RNF212: variants seen among roughly 807,000 people sequenced by gnomAD.
RNF212 encodes the protein probable E3 SUMO-protein ligase RNF212.
RNF212 carries 33 observed loss-of-function variants against 34.7 expected under a neutral mutation model. The ratio of observed to expected loss-of-function variants is 0.95; its 90% CI spans 0.72 to 1.27. The LOEUF (loss-of-function observed/expected upper bound fraction) is 1.27, where lower values mean the gene tolerates loss of function less well. Among genes scored for constraint, RNF212 ranks in the 50% most tolerant of loss-of-function variants. The probability of loss-of-function intolerance (pLI) is 0.00; values close to 1 mark genes in which losing one functional copy is unlikely to be tolerated. For missense variants in RNF212, 377 were observed against 362.2 expected, an observed-to-expected ratio of 1.04 and a Z score of -0.33; for synonymous variants, 140 against 136.1, an observed-to-expected ratio of 1.03 and a Z score of -0.20.
At chr4:1,074,413 G>A (rs1008240238) in intron 8 of RNF212, among the ~76,000 whole-genome samples, 1 of 152,126 alleles carries the variant, frequency 6.6e-6, no homozygotes, top group Non-Finnish European at 1.5e-5. Flanking sequence ...GCCCCGCCAA[G>A]ACCTCTGCTA....
Position 1,078,744 on chromosome 4 carries a change from C to G in RNF212, c.510+899G>C, listed in dbSNP as rs1041620745. Among the ~76,000 whole-genome samples the G allele has an allele frequency of 2.6e-5, 4 of 152,166 alleles. No individual in the cohort carries two copies. The South Asian group carries it at 8.3e-4, about 31-fold the overall frequency. On this transcript the variant is annotated intron_variant, in intron 8 of 9. Coordinates refer to ENST00000433731, the MANE Select transcript of RNF212 (RefSeq NM_001131034.4). ...CAACATGGGACCAGCAGAGGATCAA[C>G]GCAGGATCAACACAGAACCAACATA... is the stretch of plus-strand genomic sequence containing the variant.
chr4:1,101,494 T>A (rs1236421420), intron 2 of RNF212: 1 of 154,596 alleles, frequency 6.5e-6, no homozygotes, highest in Non-Finnish European at 1.4e-5. Context: ...TGAAGGATTA[T>A]GACTCTGCCA....
At chr4:1,062,435 G>A (rs10902753) in intron 3 of RNF212, among the ~76,000 whole-genome samples, 120,890 of 151,904 alleles carry the variant, frequency 0.8, 48,580 homozygotes, top group African/African-American at 0.89. Context: ...AAAAGAGAAA[G>A]AGAAAGCACT....
intron 7 of RNF212, 50 bp downstream of exon 7, chr4:1,081,369 G>A: frequency 6.5e-7 from 1 of 1,542,466 alleles, no homozygotes. Flanking sequence ...GGCAGGTGCA[G>A]AATCGGAAAG....
chr4:1,112,687 TC>T (rs529105560), intron 1 of RNF212, among the ~76,000 whole-genome samples: 53 of 135,966 alleles, frequency 3.9e-4, no homozygotes, highest in African/African-American at 1.5e-3. Context: ...GACCCCTGTG[TC>T]CCCCTCATCT....
intron 3 of RNF212, chr4:1,094,052 T>TTG (rs374030388): frequency 1.3e-6 from 2 of 1,501,694 alleles, no homozygotes; most frequent in South Asian, 1.3e-5. Flanking sequence ...GCAAGGAAGC[T>TTG]CCCAGAGGAG....
At chr4:1,106,797 G>A (rs900920217) in intron 2 of RNF212, among the ~76,000 whole-genome samples, 2 of 152,220 alleles carry the variant, frequency 1.3e-5, no homozygotes, top group South Asian at 2.1e-4. Flanking sequence ...ATGTGTGGAG[G>A]AAAAGAAAGT....
chr4:1,073,562 C>T (rs1560100677), intron 9 of RNF212, 37 bp downstream of exon 9: 4 of 1,376,378 alleles, frequency 2.9e-6, no homozygotes, highest in Non-Finnish European at 4.2e-6. Context: ...TTAATCGATG[C>T]ATGTATCGGT....
At chr4:1,090,878 C>CAGAGACCGT in intron 3 of RNF212, 40 bp from the exon 4 acceptor site, 1 of 1,334,066 alleles carries the variant, frequency 7.5e-7, no homozygotes, top group Non-Finnish European at 1.1e-6. Flanking sequence ...CACAGATCCA[C>CAGAGACCGT]GGTCTCTGTG....
chr4:1,082,382 G>C (rs931552497), intron 5 of RNF212, among the ~76,000 whole-genome samples: 1 of 152,210 alleles, frequency 6.6e-6, no homozygotes, highest in African/African-American at 2.4e-5. Flanking sequence ...GACTGGGGGA[G>C]CGTGTCTGTT....
intron 3 of RNF212, among the ~76,000 whole-genome samples, chr4:1,064,943 G>T (rs778234523): frequency 6.6e-6 from 1 of 152,220 alleles, no homozygotes; most frequent in East Asian, 1.9e-4. Flanking sequence ...CGTCCTCAAT[G>T]TTCATCCACG....
Position 1,096,775 on chromosome 4 carries a change from T to C in RNF212, c.236A>G (p.Glu79Gly). The C allele has an allele frequency of 6.2e-7, 1 of 1,613,486 alleles. No individual in the cohort carries two copies. Among genetic ancestry groups the C allele is most frequent in the South Asian group, 1.1e-5 (1 of 91,066 alleles). ...IDSLCKKYSRETSQILEFQEK... is the reference protein window; with the variant it reads ...IDSLCKKYSRGTSQILEFQEK... ...CCCCTCACAGCTCACCTGGGAGGTT[T>C]CCCTGGAGTACTTCTTACACAGACT... Residue 79 changes from glutamate to glycine, a missense_variant, in exon 3 of 10, where the codon GAA becomes GGA. By Grantham distance (98) the Glu-to-Gly change is moderately conservative. Coordinates refer to ENST00000433731, the MANE Select transcript of RNF212 (RefSeq NM_001131034.4).
intron 3 of RNF212, among the ~76,000 whole-genome samples, chr4:1,093,047 G>A (rs1722448193): frequency 1.9e-5 from 2 of 106,194 alleles, no homozygotes; most frequent in African/African-American, 5.8e-5. Flanking sequence ...CTGGGTGGAT[G>A]GAACGGATCT....
intron 1 of RNF212, among the ~76,000 whole-genome samples, chr4:1,108,786 CA>C (rs1200235127): frequency 1.3e-5 from 2 of 152,042 alleles, no homozygotes; most frequent in Admixed American, 6.6e-5. Context: ...GCAGCCTTGA[CA>C]CCCCCGGGCT....
intron 3 of RNF212, among the ~76,000 whole-genome samples, chr4:1,092,714 G>A (rs1181732059): frequency 1.3e-5 from 2 of 152,274 alleles, no homozygotes; most frequent in African/African-American, 4.8e-5. Flanking sequence ...CACAGAGGCT[G>A]CGCTGGGCCA....
At chr4:1,079,120 C>T (rs111384741) in intron 8 of RNF212, among the ~76,000 whole-genome samples, 3 of 151,754 alleles carry the variant, frequency 2.0e-5, no homozygotes, top group East Asian at 1.9e-4. Flanking sequence ...AGGGTCAACA[C>T]AGGACCAACA....
chr4:1,067,659 G>A (rs1047124300), downstream of RNF212, among the ~76,000 whole-genome samples: 1 of 152,200 alleles, frequency 6.6e-6, no homozygotes, highest in African/African-American at 2.4e-5. Flanking sequence ...GAGGCCAGGG[G>A]ATCGAGGCCA....
At chr4:1,068,140 C>G (rs1365684298), downstream of RNF212, among the ~76,000 whole-genome samples, 1 of 152,104 alleles carries the variant, frequency 6.6e-6, no homozygotes, top group Non-Finnish European at 1.5e-5. Context: ...ATGAAGAGAA[C>G]CTGGAATAGG....
chr4:1,085,677 A>T (rs1481434383), intron 5 of RNF212: 4 of 578,544 alleles, frequency 6.9e-6, no homozygotes, highest in African/African-American at 3.7e-5. Flanking sequence ...CCCCAAGGGG[A>T]AACCATTCAT....
Sources: allele counts gnomAD v4.1 joint callset (sites outside exome capture counted in the v4.1 genomes callset), GRCh38; gene constraint gnomAD v4.1.1; transcripts MANE v1.5; gene names NCBI Gene and HGNC (gene_info 2026-07-23, HGNC 2026-07-21).